Variants in CRISPLD2 observed in about 807,000 individuals in gnomAD.
CRISPLD2 encodes cysteine rich secretory protein LCCL domain containing 2.
A neutral mutation model predicts 71.1 loss-of-function variants in CRISPLD2; 47 were observed. The observed-to-expected ratio is 0.66, with a 90% CI of 0.52 to 0.84. The LOEUF (loss-of-function observed/expected upper bound fraction) is 0.84, where lower values mean the gene tolerates loss of function less well. Among genes scored for constraint, CRISPLD2 ranks in the 40% least tolerant of loss-of-function variants. The pLI, the probability that CRISPLD2 is intolerant of heterozygous loss-of-function variation, is 0.00. For synonymous variants in CRISPLD2, 317 were observed against 250.1 expected (o/e 1.27, Z -2.52); for missense variants, 830 against 651.1 (o/e 1.27, Z -2.99).
chr16:84,901,787 CTTTT>C (rs760025598), intron 14 of CRISPLD2, among the ~76,000 whole-genome samples: 76 of 87,848 alleles, frequency 8.7e-4, no homozygotes, highest in African/African-American at 4.1e-3. Flanking sequence ...ACTGGTTGCA[CTTTT>C]TTTTTTTTTT....
At chr16:84,852,832 C>T (rs1340273712) in intron 5 of CRISPLD2, among the ~76,000 whole-genome samples, 4 of 152,220 alleles carry the variant, frequency 2.6e-5, no homozygotes, top group South Asian at 2.1e-4. Context: ...CTCCTTTGGC[C>T]GAGGCAGGAG....
At chr16:84,895,546 C>G (rs2071698729) in intron 14 of CRISPLD2, among the ~76,000 whole-genome samples, 2 of 152,174 alleles carry the variant, frequency 1.3e-5, no homozygotes, top group Non-Finnish European at 1.5e-5. Flanking sequence ...ACATAAAACT[C>G]ACATACAAAT....
chr16:84,838,846 G>A (rs1271915229), intron 2 of CRISPLD2, 111 bp downstream of exon 2: 1 of 1,365,502 alleles, frequency 7.3e-7, no homozygotes, highest in Non-Finnish European at 1.0e-6. Context: ...GTGATGGCTG[G>A]CTCAGGGTCT....
chr16:84,847,477 C>G (rs888589079), intron 3 of CRISPLD2, among the ~76,000 whole-genome samples: 1 of 152,074 alleles, frequency 6.6e-6, no homozygotes, highest in Admixed American at 6.6e-5. Context: ...TAGTGAAACC[C>G]CGTCTCTACT....
At chr16:84,872,851 G>C (rs2071483205) in intron 9 of CRISPLD2, 141 bp from the exon 10 acceptor site, 5 of 1,055,702 alleles carry the variant, frequency 4.7e-6, no homozygotes, top group African/African-American at 3.2e-5. Flanking sequence ...TACAGACAGA[G>C]GCGAGAGGCA....
intron 14 of CRISPLD2, among the ~76,000 whole-genome samples, chr16:84,895,731 T>C (rs955703059): frequency 2.6e-5 from 4 of 152,156 alleles, no homozygotes; most frequent in African/African-American, 4.8e-5. Flanking sequence ...ATTCTCACTT[T>C]GAAGGGAGGG....
At chr16:84,846,632 T>A (rs1426501659) in intron 3 of CRISPLD2, among the ~76,000 whole-genome samples, 1 of 152,174 alleles carries the variant, frequency 6.6e-6, no homozygotes, top group Non-Finnish European at 1.5e-5. Context: ...GCTCTGTTCA[T>A]GGTGGGTCAT....
At chr16:84,872,900 G>C (rs976190252) in intron 9 of CRISPLD2, 92 bp from the exon 10 acceptor site, 1 of 1,470,680 alleles carries the variant, frequency 6.8e-7, no homozygotes, top group African/African-American at 1.4e-5. Flanking sequence ...CAGGCTTTTA[G>C]TGAGTTGAGG....
chr16:84,854,394 T>G (rs1047658822), intron 5 of CRISPLD2, among the ~76,000 whole-genome samples: 1 of 152,104 alleles, frequency 6.6e-6, no homozygotes, highest in African/African-American at 2.4e-5. Flanking sequence ...TTTTCAGCGC[T>G]AAGGTGTTGT....
chr16:84,821,325 C>G (rs905521274), intron 1 of CRISPLD2, among the ~76,000 whole-genome samples: 24 of 152,226 alleles, frequency 1.6e-4, no homozygotes, highest in African/African-American at 5.8e-4. Context: ...TTTTCTGCTT[C>G]TGCCCCTGAT....
At chr16:84,904,084 C>T (rs575929698) in intron 14 of CRISPLD2, among the ~76,000 whole-genome samples, 3 of 152,294 alleles carry the variant, frequency 2.0e-5, no homozygotes, top group African/African-American at 7.2e-5. Flanking sequence ...TCATCTGGGG[C>T]AGAAAATCAG....
rs775753587 is a variant in CRISPLD2, at chr16:84,873,139, C to A, written c.1112+17C>A. ...GTCCCTCAGGTAACTACTCTGTGAT[C>A]GGGGCTCTGTGAAACGGTTTTCCTG... On this transcript the variant is annotated intron_variant, in intron 10 of 14. Coordinates refer to ENST00000262424, the MANE Select transcript of CRISPLD2 (RefSeq NM_031476.4). The A allele has an allele frequency of 1.2e-6, 2 of 1,604,988 alleles. No individual in the cohort carries two copies. Among genetic ancestry groups the A allele is most frequent in the South Asian group, 1.1e-5 (1 of 89,952 alleles).
At chr16:84,864,597 G>T (rs1487181650) in intron 6 of CRISPLD2, among the ~76,000 whole-genome samples, 3 of 152,208 alleles carry the variant, frequency 2.0e-5, no homozygotes, top group Non-Finnish European at 4.4e-5. Context: ...GGTGCTTTCA[G>T]AGTTCCCTCT....
At chr16:84,899,750 G>C (rs2071737125) in intron 14 of CRISPLD2, among the ~76,000 whole-genome samples, 1 of 152,206 alleles carries the variant, frequency 6.6e-6, no homozygotes, top group East Asian at 1.9e-4. Context: ...CCTTGGGCTG[G>C]CCATGTCTAC....
At chr16:84,824,753 G>T (rs542636005) in intron 1 of CRISPLD2, among the ~76,000 whole-genome samples, 1 of 152,304 alleles carries the variant, frequency 6.6e-6, no homozygotes, top group Admixed American at 6.5e-5. Flanking sequence ...GTGATAGAAA[G>T]TTACCTTTTT....
chr16:84,848,232 T>C (rs942234562), intron 3 of CRISPLD2, among the ~76,000 whole-genome samples: 1 of 152,166 alleles, frequency 6.6e-6, no homozygotes, highest in Non-Finnish European at 1.5e-5. Flanking sequence ...TGCTCCTGCC[T>C]CCTCACTGTG....
chr16:84,841,139 G>T (rs564523315), intron 2 of CRISPLD2, among the ~76,000 whole-genome samples: 140 of 152,286 alleles, frequency 9.2e-4, no homozygotes, highest in Admixed American at 1.8e-3. Flanking sequence ...AAGAAATACG[G>T]GGAGCTGCAA....
intron 6 of CRISPLD2, 145 bp from the exon 7 acceptor site, chr16:84,866,752 T>C (rs1917548421): frequency 2.6e-6 from 2 of 763,278 alleles, no homozygotes; most frequent in African/African-American, 1.7e-5. Context: ...TGTTCTGAAA[T>C]GTAACTTTCT....
intron 14 of CRISPLD2, among the ~76,000 whole-genome samples, chr16:84,896,321 G>A (rs1271334314): frequency 2.6e-5 from 4 of 151,944 alleles, no homozygotes; most frequent in Non-Finnish European, 2.9e-5. Flanking sequence ...AGTGCTGGGA[G>A]TACAGGTGTG....
Sources: gnomAD v4.1 joint callset for allele counts (sites outside exome capture counted in the v4.1 genomes callset) on GRCh38, gnomAD v4.1.1 for gene constraint, MANE v1.5 for transcripts, NCBI Gene and HGNC (gene_info 2026-07-23, HGNC 2026-07-21) for gene names.